ASTN2: variants seen among roughly 807,000 people sequenced by gnomAD.
ASTN2 encodes the protein astrotactin 2.
In ASTN2, 54 loss-of-function variants were observed where a neutral mutation model predicts 139.8. The ratio of observed to expected loss-of-function variants is 0.39; its 90% CI spans 0.31 to 0.48. The LOEUF is 0.48. Ranked by LOEUF, ASTN2 falls within the 20% of genes least tolerant of loss-of-function variation. ASTN2 has a pLI of 0.95. For synonymous variants in ASTN2, 756 were observed against 719.5 expected (o/e 1.05, Z -0.81); for missense variants, 1,565 against 1,725.1 (o/e 0.91, Z 1.64).
chr9:116,902,632 G>T (rs929290105), intron 10 of ASTN2, among the ~76,000 whole-genome samples: 1 of 152,008 alleles, frequency 6.6e-6, no homozygotes, highest in East Asian at 1.9e-4. Context: ...CTAGGATGTT[G>T]TCACAATGAC....
At chr9:116,686,938 A>C (rs1009945663) in intron 16 of ASTN2, 1 of 1,486,530 alleles carries the variant, frequency 6.7e-7, no homozygotes. Flanking sequence ...CCCATTTCTC[A>C]GATGGAAAAA....
chr9:117,262,169 AT>A (rs1213847064), intron 2 of ASTN2, among the ~76,000 whole-genome samples: 2 of 151,786 alleles, frequency 1.3e-5, no homozygotes, highest in Admixed American at 6.6e-5. Context: ...GGGATCATCA[AT>A]TTTTTTTGGT....
chr9:116,596,116 T>C (rs544690412), intron 19 of ASTN2, among the ~76,000 whole-genome samples: 16 of 152,326 alleles, frequency 1.1e-4, no homozygotes, highest in South Asian at 6.2e-4. Context: ...AAGGAAATTC[T>C]GCCATTTGAA....
At chr9:116,642,675 C>G (rs1298895231) in intron 17 of ASTN2, among the ~76,000 whole-genome samples, 1 of 152,078 alleles carries the variant, frequency 6.6e-6, no homozygotes, top group African/African-American at 2.4e-5. Flanking sequence ...GATGAGCATC[C>G]AAAGATCCTA....
chr9:116,679,603 C>G (rs1859715556), intron 16 of ASTN2, among the ~76,000 whole-genome samples: 1 of 152,042 alleles, frequency 6.6e-6, no homozygotes, highest in Non-Finnish European at 1.5e-5. Context: ...CACACCTATT[C>G]CAAAATTGAC....
chr9:116,828,817 T>C (rs1188949918), intron 11 of ASTN2, among the ~76,000 whole-genome samples: 2 of 152,148 alleles, frequency 1.3e-5, no homozygotes, highest in African/African-American at 4.8e-5. Context: ...CTAAAGACTC[T>C]ATCAAGTTTC....
At chr9:117,334,785 G>A (rs1828825907) in intron 1 of ASTN2, among the ~76,000 whole-genome samples, 3 of 152,220 alleles carry the variant, frequency 2.0e-5, no homozygotes, top group Admixed American at 6.5e-5. Flanking sequence ...CAGGCATGGA[G>A]GCTCACGCCT....
chr9:117,414,762 G>T lies in ASTN2; in HGVS notation c.177C>A (p.Pro59=). 1 of 1,266,046 alleles carries T rather than the reference G, an allele frequency of 7.9e-7. No homozygotes were observed. Among genetic ancestry groups the T allele is most frequent in the Admixed American group, 3.9e-5 (1 of 25,918 alleles). The allele number at this position is 1,266,046 out of a possible 1,614,324, so 78.4% of individuals were successfully genotyped here. A position where few individuals can be genotyped will look rare whatever the true frequency, so the allele number is the denominator to read the frequency against. Residue 59 remains proline, a synonymous_variant, in exon 1 of 23, where the codon CCC becomes CCA. Transcript: ENST00000313400. The surrounding 1 kb of genome is among the most constrained non-coding windows in gnomAD (Gnocchi z 4.2). Reference sequence around the variant, plus strand: ...CGGTCTTCAGCCGGCACGGGCTGTCGGGCTCCCGCGAGGCAGCGGCGGTGG... The same window carrying T: ...CGGTCTTCAGCCGGCACGGGCTGTCTGGCTCCCGCGAGGCAGCGGCGGTGG... The part of the protein sequence containing the change: ...AGATAAASRE[P]DSPCRLKTVT...
At chr9:117,407,128 C>T (rs762446905) in intron 1 of ASTN2, among the ~76,000 whole-genome samples, 2 of 152,102 alleles carry the variant, frequency 1.3e-5, no homozygotes, top group African/African-American at 4.8e-5. Context: ...CACCTGAATT[C>T]GGTCTTGAAA....
chr9:117,326,341 C>G (rs1392879126), intron 1 of ASTN2, among the ~76,000 whole-genome samples: 1 of 152,020 alleles, frequency 6.6e-6, no homozygotes. Context: ...AGTCACAGAG[C>G]ATGTTAATGG....
At chr9:116,756,499 T>C (rs990859696) in intron 13 of ASTN2, among the ~76,000 whole-genome samples, 1 of 152,188 alleles carries the variant, frequency 6.6e-6, no homozygotes, top group South Asian at 2.1e-4. Context: ...TAATTGTTTG[T>C]GGCTCTCCAG....
At chr9:116,547,399 T>C (rs1852143846) in intron 19 of ASTN2, 1 of 152,232 alleles carries the variant, frequency 6.6e-6, no homozygotes, top group Admixed American at 6.5e-5. Context: ...TAAAGTCACA[T>C]GGCCTGACAT....
chr9:117,384,887 C>T (rs560807830), intron 1 of ASTN2, among the ~76,000 whole-genome samples: 6 of 152,182 alleles, frequency 3.9e-5, no homozygotes, highest in African/African-American at 1.4e-4. Context: ...ATAGATGAAT[C>T]AGTGGTAGGA....
intron 7 of ASTN2, among the ~76,000 whole-genome samples, chr9:117,002,078 T>C (rs1352245526): frequency 2.0e-5 from 3 of 152,216 alleles, no homozygotes; most frequent in South Asian, 2.1e-4. Flanking sequence ...ATTTTCTACC[T>C]GTAGACAGTC....
intron 1 of ASTN2, among the ~76,000 whole-genome samples, chr9:117,402,147 A>G (rs1805749942): frequency 6.6e-6 from 1 of 152,140 alleles, no homozygotes; most frequent in South Asian, 2.1e-4. Flanking sequence ...GCTCACTGCA[A>G]TCTCCACCTC....
chr9:116,866,492 G>A (rs1833015488), intron 10 of ASTN2, among the ~76,000 whole-genome samples: 1 of 152,148 alleles, frequency 6.6e-6, no homozygotes, highest in African/African-American at 2.4e-5. Flanking sequence ...GAAGCTCTGG[G>A]GAGACTTGCC....
chr9:116,571,564 T>C (rs1278267263), intron 19 of ASTN2, among the ~76,000 whole-genome samples: 2 of 152,168 alleles, frequency 1.3e-5, no homozygotes, highest in East Asian at 1.9e-4. Flanking sequence ...TGCCATCTAA[T>C]GTGTCTGTGT....
intron 2 of ASTN2, among the ~76,000 whole-genome samples, chr9:117,242,960 T>G (rs927384225): frequency 2.0e-5 from 3 of 152,244 alleles, no homozygotes; most frequent in African/African-American, 7.2e-5. Flanking sequence ...CAATAAATAT[T>G]AAGTAATTAA....
At chr9:117,352,230 C>A (rs780020913) in intron 1 of ASTN2, among the ~76,000 whole-genome samples, 2 of 152,112 alleles carry the variant, frequency 1.3e-5, no homozygotes, top group Non-Finnish European at 2.9e-5. Context: ...CTATTCAAGG[C>A]CAAGTCATAA....
Sources: allele counts gnomAD v4.1 joint callset (sites outside exome capture counted in the v4.1 genomes callset), GRCh38; gene constraint gnomAD v4.1.1; non-coding constraint Gnocchi (gnomAD v3.1); transcripts MANE v1.5; gene names NCBI Gene and HGNC (gene_info 2026-07-23, HGNC 2026-07-21).